The following BMP1 variants were observed in gnomAD, a reference collection of about 807,000 sequenced individuals.
The protein encoded by BMP1 is bone morphogenetic protein 1.
Under a neutral mutation model 116.8 loss-of-function variants are expected in BMP1, and 63 were observed. The ratio of observed to expected loss-of-function variants is 0.54; its 90% confidence interval spans 0.44 to 0.67. The LOEUF is 0.67. BMP1 is among the 30% of genes least tolerant of loss of function. BMP1 has a pLI of 0.00. For missense variants in BMP1, 1,183 were observed against 1,358.9 expected, an observed-to-expected ratio of 0.87 and a Z score of 2.04; for synonymous variants, 536 against 533.4, an observed-to-expected ratio of 1.00 and a Z score of -0.07.
intron 13 of BMP1, 171 bp from the exon 14 acceptor site, chr8:22,196,509 C>T: frequency 1.1e-6 from 1 of 933,178 alleles, no homozygotes; most frequent in Non-Finnish European, 1.6e-6. Flanking sequence ...TGAGGACACC[C>T]AGGCCACCCT....
chr8:22,197,468 A>G (rs778032423), intron 15 of BMP1, 48 bp downstream of exon 15: 2 of 1,556,702 alleles, frequency 1.3e-6, no homozygotes, highest in East Asian at 2.3e-5. Flanking sequence ...CTCGGAGAAC[A>G]GGGCTCCCTT....
intron 2 of BMP1, among the ~76,000 whole-genome samples, chr8:22,175,768 A>G (rs986237870): frequency 1.5e-4 from 23 of 152,186 alleles, no homozygotes; most frequent in Non-Finnish European, 1.5e-5. Context: ...GCACTTCAGC[A>G]TTATGCTCAG....
intron 8 of BMP1, among the ~76,000 whole-genome samples, chr8:22,189,433 T>C (rs938862348): frequency 1.4e-5 from 2 of 141,384 alleles, no homozygotes; most frequent in South Asian, 2.3e-4. Context: ...TTGATGGAGA[T>C]ACACACACAC....
intron 15 of BMP1, chr8:22,199,302 A>G (rs1288482204): frequency 8.1e-6 from 11 of 1,365,226 alleles, no homozygotes; most frequent in Non-Finnish European, 8.8e-6. Context: ...CCCACCGAGG[A>G]GACCCTAAGC....
chr8:22,204,308 C>G (rs1829313819), intron 16 of BMP1, among the ~76,000 whole-genome samples: 2 of 152,182 alleles, frequency 1.3e-5, no homozygotes, highest in Non-Finnish European at 2.9e-5. Context: ...GCCCTGTTTT[C>G]CGGGCCCTCG....
At chr8:22,204,876 C>T (rs1171219535) in intron 16 of BMP1, among the ~76,000 whole-genome samples, 5 of 152,132 alleles carry the variant, frequency 3.3e-5, no homozygotes, top group Admixed American at 6.5e-5. Context: ...AAAAGGAGAG[C>T]GATGGGCTGT....
At chr8:22,196,246 C>T (rs1277609254) in intron 13 of BMP1, 1 of 530,390 alleles carries the variant, frequency 1.9e-6, no homozygotes, top group Non-Finnish European at 3.7e-6. Context: ...CCTCTCCACG[C>T]ATGGTCCCGA....
At chr8:22,201,727 G>A (rs2131896534) in intron 15 of BMP1, 76 bp from the exon 16 acceptor site, 2 of 1,587,662 alleles carry the variant, frequency 1.3e-6, no homozygotes, top group African/African-American at 1.3e-5. Context: ...GTCCAGCCAG[G>A]CCTCCACTTC....
intron 5 of BMP1, 97 bp downstream of exon 5, chr8:22,177,236 C>CCGTCAT (rs1042112654): frequency 1.5e-6 from 2 of 1,295,130 alleles, no homozygotes; most frequent in African/African-American, 3.0e-5. Flanking sequence ...CTCCAGCCAG[C>CCGTCAT]CGTCATCGCC....
In BMP1 at chr8:22,197,234, C is replaced by T. The variant is rs762166050; in HGVS notation, c.1927-6C>T. On this transcript the variant is annotated splice_polypyrimidine_tract_variant and splice_region_variant and intron_variant, in intron 14 of 19. Transcript: ENST00000306385. ...GAGGCGGGCCTGGAGCTGGGCTTCC[C>T]TGCAGGTGTGCAAGTACGACTTCGT... The T allele has an allele frequency of 3.1e-6, 5 of 1,606,098 alleles. No individual in the cohort carries two copies. The South Asian group carries it at 4.4e-5, about 14-fold the overall frequency.
chr8:22,199,193 G>C, intron 15 of BMP1: 1 of 1,367,604 alleles, frequency 7.3e-7, no homozygotes, highest in Non-Finnish European at 9.8e-7. Flanking sequence ...CAAGAAACCT[G>C]CAGAGGACCC....
intron 3 of BMP1, 68 bp downstream of exon 3, chr8:22,176,381 A>T: frequency 1.3e-6 from 2 of 1,562,648 alleles, no homozygotes; most frequent in Non-Finnish European, 1.7e-6. Context: ...CAGCCCTGCC[A>T]GGCACGGAGG....
chr8:22,187,742 C>A (rs1185982572), intron 8 of BMP1, among the ~76,000 whole-genome samples: 1 of 151,928 alleles, frequency 6.6e-6, no homozygotes, highest in Non-Finnish European at 1.5e-5. Flanking sequence ...CTGAGCCATT[C>A]CAAATACCAA....
At chr8:22,198,945 C>G (rs1311759927) in intron 15 of BMP1, 2 of 1,263,512 alleles carry the variant, frequency 1.6e-6, no homozygotes, top group African/African-American at 3.1e-5. Context: ...GGATGTAACA[C>G]CCACTCGGGG....
Position 22,176,540 on chromosome 8 carries a change from G to A in BMP1, c.441G>A (p.Gln147=), listed in dbSNP as rs1393485730. ...FVIGGNFTGS[Q]RAVFRQAMRH... ...CTTCCTTCCTCCTGGCAGGTAGCCA[G>A]AGGGCAGTCTTCCGGCAGGCCATGA... is the stretch of plus-strand genomic sequence containing the variant. Residue 147 remains glutamine (Q), a synonymous_variant, in exon 4 of 20, where the codon CAG becomes CAA. Coordinates refer to ENST00000306385, the MANE Select transcript of BMP1 (RefSeq NM_006129.5). 6.2e-7 allele frequency: 1 copy of A among 1,614,182 alleles called. No individual in the cohort carries two copies. The highest frequency in any genetic ancestry group is 1.1e-5 in the South Asian group (1 of 91,086).
intron 12 of BMP1, 102 bp downstream of exon 12, chr8:22,195,021 C>T (rs1829042261): frequency 7.9e-7 from 1 of 1,258,234 alleles, no homozygotes; most frequent in African/African-American, 1.5e-5. Context: ...CATATTGATA[C>T]CAGTGAGACC....
At chr8:22,189,970 G>A (rs1481743079) in intron 8 of BMP1, among the ~76,000 whole-genome samples, 2 of 152,040 alleles carry the variant, frequency 1.3e-5, no homozygotes, top group African/African-American at 4.8e-5. Flanking sequence ...ACCCAGGCTG[G>A]AGTGCAGTGG....
At chr8:22,180,683 AT>A (rs1207683685) in intron 8 of BMP1, among the ~76,000 whole-genome samples, 200 bp downstream of exon 8, 1 of 152,156 alleles carries the variant, frequency 6.6e-6, no homozygotes, top group Non-Finnish European at 1.5e-5. Flanking sequence ...TCTCCCAATA[AT>A]TATAAATTAG....
chr8:22,181,992 T>G (rs183716620), intron 8 of BMP1, among the ~76,000 whole-genome samples: 1 of 152,298 alleles, frequency 6.6e-6, no homozygotes, highest in East Asian at 1.9e-4. Flanking sequence ...GGGAGGCTAC[T>G]CCCATCACTT....
Sources: gnomAD v4.1 joint callset for allele counts (sites outside exome capture counted in the v4.1 genomes callset) on GRCh38, gnomAD v4.1.1 for gene constraint, MANE v1.5 for transcripts, NCBI Gene and HGNC (gene_info 2026-07-23, HGNC 2026-07-21) for gene names.